Variants in ADAM10 observed in about 807,000 individuals in gnomAD.
ADAM10 encodes the protein disintegrin and metalloproteinase domain-containing protein 10.
In ADAM10, 17 loss-of-function variants were observed where a neutral mutation model predicts 90.1. That is an observed-to-expected ratio of 0.19 (90% confidence interval 0.13 to 0.28). ADAM10 has a LOEUF of 0.28. Among genes scored for constraint, ADAM10 ranks in the 10% least tolerant of loss-of-function variants. The pLI is 1.00. For missense variants in ADAM10, 610 were observed against 914.3 expected, an observed-to-expected ratio of 0.67 and a Z score of 4.29; for synonymous variants, 310 against 298.6, an observed-to-expected ratio of 1.04 and a Z score of -0.40.
At chr15:58,611,340 A>T (rs1895432309) in intron 12 of ADAM10, 2 of 503,952 alleles carry the variant, frequency 4.0e-6, no homozygotes, top group Non-Finnish European at 7.0e-6. Context: ...GGCAACTTAA[A>T]AAAATGAAAT....
intron 1 of ADAM10, among the ~76,000 whole-genome samples, chr15:58,720,279 G>A (rs1231003934): frequency 2.0e-5 from 3 of 152,110 alleles, no homozygotes; most frequent in African/African-American, 7.2e-5. Flanking sequence ...AGAGAGGTGA[G>A]AAGAATGAGT....
At chr15:58,664,304 A>C (rs1897030573) in intron 5 of ADAM10, among the ~76,000 whole-genome samples, 1 of 152,138 alleles carries the variant, frequency 6.6e-6, no homozygotes, top group Non-Finnish European at 1.5e-5. Context: ...CAATTAAACG[A>C]TAACCTTTTG....
chr15:58,658,300 A>C (rs1298099571), intron 5 of ADAM10, among the ~76,000 whole-genome samples: 1 of 152,008 alleles, frequency 6.6e-6, no homozygotes, highest in Non-Finnish European at 1.5e-5. Context: ...TTACCTTGGG[A>C]CTTTTGCAAA....
At chr15:58,702,238 T>G (rs1898156351) in intron 2 of ADAM10, among the ~76,000 whole-genome samples, 1 of 152,086 alleles carries the variant, frequency 6.6e-6, no homozygotes, top group Non-Finnish European at 1.5e-5. Flanking sequence ...TGGGTGAGAT[T>G]AGAAAGTTGA....
At chr15:58,728,958 G>A (rs1319938401) in intron 1 of ADAM10, among the ~76,000 whole-genome samples, 4 of 152,232 alleles carry the variant, frequency 2.6e-5, no homozygotes, top group Non-Finnish European at 4.4e-5. Context: ...AACATTGGGG[G>A]AAACCAACAT....
chr15:58,689,133 C>T lies in ADAM10; in HGVS notation c.207-6819G>A, dbSNP rs183528540. Among the ~76,000 whole-genome samples, 64 of 152,248 alleles carry T rather than the reference C, an allele frequency of 4.2e-4. 1 individual carries two copies. The highest frequency in any genetic ancestry group is 3.4e-3 in the Middle Eastern group (1 of 294). Reference sequence around the variant, plus strand: ...TGAAAATCAGCGTTAAAGAGAAAATCTTAAAATCCATCAAAGAGACTGATT... The same window carrying T: ...TGAAAATCAGCGTTAAAGAGAAAATTTTAAAATCCATCAAAGAGACTGATT... On this transcript the variant is annotated intron_variant, in intron 2 of 15. Coordinates refer to ENST00000260408, the MANE Select transcript of ADAM10 (RefSeq NM_001110.4).
At chr15:58,615,312 T>C (rs1269431761) in intron 11 of ADAM10, among the ~76,000 whole-genome samples, 1 of 148,488 alleles carries the variant, frequency 6.7e-6, no homozygotes, top group African/African-American at 2.5e-5. Context: ...AAAATAATTA[T>C]CAAAATGATA....
chr15:58,603,876 T>TAAA (rs34718794), intron 14 of ADAM10, among the ~76,000 whole-genome samples: 30 of 72,058 alleles, frequency 4.2e-4, no homozygotes, highest in Admixed American at 1.2e-3. Flanking sequence ...GGTCCAGGGT[T>TAAA]AAAAAAAAAA....
intron 11 of ADAM10, among the ~76,000 whole-genome samples, chr15:58,617,320 GA>G (rs1320890991): frequency 7.2e-5 from 11 of 151,864 alleles, no homozygotes; most frequent in Non-Finnish European, 1.3e-4. Context: ...CAATAAATGG[GA>G]AAACCGAATG....
At chr15:58,630,095 ACCTTTCTTT>A (rs1896061644) in intron 9 of ADAM10, among the ~76,000 whole-genome samples, 1 of 152,114 alleles carries the variant, frequency 6.6e-6, no homozygotes, top group Non-Finnish European at 1.5e-5. Context: ...AGTTATACAC[ACCTTTCTTT>A]CAGCTTAACA....
intron 1 of ADAM10, among the ~76,000 whole-genome samples, chr15:58,730,003 CAAAA>C (rs71844307): frequency 1.9e-5 from 2 of 106,448 alleles, no homozygotes; most frequent in South Asian, 3.1e-4. Flanking sequence ...AACAAACAAA[CAAAA>C]AAAAAAACTC....
chr15:58,666,754 A>C (rs182144237), intron 4 of ADAM10, among the ~76,000 whole-genome samples: 169 of 152,262 alleles, frequency 1.1e-3, no homozygotes, highest in South Asian at 0.01. Flanking sequence ...TCGCAAACTG[A>C]ATTTTATATA....
At chr15:58,714,060 T>G (rs8030378) in intron 2 of ADAM10, among the ~76,000 whole-genome samples, 5,181 of 152,214 alleles carry the variant, frequency 0.034, 308 homozygotes, top group African/African-American at 0.12. Flanking sequence ...CGCCTCAGCC[T>G]CCCAAAGTGC....
At chr15:58,749,175 A>G in intron 1 of ADAM10, 1 of 402,262 alleles carries the variant, frequency 2.5e-6, no homozygotes. Flanking sequence ...CGCTCTCACC[A>G]GGCGACGCGG....
intron 2 of ADAM10, among the ~76,000 whole-genome samples, chr15:58,686,048 T>C (rs1468065101): frequency 6.6e-6 from 1 of 152,112 alleles, no homozygotes; most frequent in African/African-American, 2.4e-5. Flanking sequence ...TGAAGGACTA[T>C]GATTTAAGAA....
chr15:58,593,878 GA>G lies in ADAM10; in HGVS notation c.*3668del, dbSNP rs1894885098. 1 of 152,156 alleles carries G rather than the reference GA, an allele frequency of 6.6e-6. No individual in the cohort carries two copies. The highest frequency in any genetic ancestry group is 2.1e-4 in the South Asian group (1 of 4,832). 9.4% of individuals were successfully genotyped at this position (152,156 alleles called of 1,614,324 possible). On this transcript the variant is annotated 3_prime_UTR_variant, in exon 16 of 16. Transcript: ENST00000260408. Reference sequence around the variant, plus strand: ...ACAAACAATATAGTAATATAAAACAGAAGGGCTAAATTTCTATCCTAATCAT... The same window carrying G: ...ACAAACAATATAGTAATATAAAACAGAGGGCTAAATTTCTATCCTAATCAT...
intron 1 of ADAM10, among the ~76,000 whole-genome samples, chr15:58,722,358 G>C (rs1438328218): frequency 6.6e-6 from 1 of 151,396 alleles, no homozygotes; most frequent in African/African-American, 2.4e-5. Context: ...ATAATAATAA[G>C]TAAAAATAAA....
At chr15:58,622,767 G>A (rs1242390213) in intron 10 of ADAM10, among the ~76,000 whole-genome samples, 1 of 152,128 alleles carries the variant, frequency 6.6e-6, no homozygotes, top group African/African-American at 2.4e-5. Context: ...TTTGTCAATG[G>A]AATTTAAAAT....
chr15:58,632,161 T>C (rs1896122458), intron 9 of ADAM10, among the ~76,000 whole-genome samples: 1 of 152,216 alleles, frequency 6.6e-6, no homozygotes, highest in Admixed American at 6.5e-5. Context: ...AGAGTATCAT[T>C]CAGTATTTCA....
Sources: gnomAD v4.1 joint callset for allele counts (sites outside exome capture counted in the v4.1 genomes callset) on GRCh38, gnomAD v4.1.1 for gene constraint, MANE v1.5 for transcripts, NCBI Gene and HGNC (gene_info 2026-07-23, HGNC 2026-07-21) for gene names.